The following TEKT5 variants were observed in gnomAD, a reference collection of about 807,000 sequenced individuals.
TEKT5 encodes the protein tektin 5.
A neutral mutation model predicts 48.7 loss-of-function variants in TEKT5; 52 were observed. The ratio of observed to expected loss-of-function variants is 1.07; its 90% confidence interval spans 0.86 to 1.35. The LOEUF (loss-of-function observed/expected upper bound fraction) is 1.35. TEKT5 is among the 40% of genes most tolerant of loss of function. The pLI, the probability that TEKT5 is intolerant of heterozygous loss-of-function variation, is 0.00. For missense variants in TEKT5, 831 were observed against 641.6 expected, an observed-to-expected ratio of 1.30 and a Z score of -3.19; for synonymous variants, 318 against 267.6, an observed-to-expected ratio of 1.19 and a Z score of -1.84.
At chr16:10,647,471 CA>C (rs35976644) in intron 5 of TEKT5, among the ~76,000 whole-genome samples, 46,047 of 114,158 alleles carry the variant, frequency 0.4, 9,209 homozygotes, top group African/African-American at 0.6. Flanking sequence ...GACCCTGTCT[CA>C]AAAAAAAAAA....
At chr16:10,658,890 G>C (rs551977858) in intron 5 of TEKT5, among the ~76,000 whole-genome samples, 2 of 152,170 alleles carry the variant, frequency 1.3e-5, no homozygotes, top group South Asian at 4.1e-4. Flanking sequence ...GTTAATTTTT[G>C]TATTTTTAGT....
At chr16:10,685,246 T>C (rs891889139) in intron 3 of TEKT5, among the ~76,000 whole-genome samples, 7 of 152,190 alleles carry the variant, frequency 4.6e-5, no homozygotes, top group African/African-American at 1.7e-4. Flanking sequence ...TCTGCCTCAG[T>C]TGCTCTCATC....
chr16:10,655,583 C>T (rs112698890), intron 5 of TEKT5, among the ~76,000 whole-genome samples: 88 of 152,312 alleles, frequency 5.8e-4, no homozygotes, highest in African/African-American at 2.1e-3. Flanking sequence ...CTATAAAAGA[C>T]TACATTTTCC....
chr16:10,647,538 C>G (rs972061567), intron 5 of TEKT5, among the ~76,000 whole-genome samples: 7 of 151,866 alleles, frequency 4.6e-5, no homozygotes, highest in African/African-American at 1.7e-4. Context: ...CTGAGCCCAT[C>G]CAGGGCAGCT....
chr16:10,683,868 T>A (rs925048918), intron 3 of TEKT5, among the ~76,000 whole-genome samples: 9 of 152,336 alleles, frequency 5.9e-5, no homozygotes, highest in Non-Finnish European at 7.3e-5. Context: ...GCTGGGATTA[T>A]AGGCATAAGC....
At chr16:10,684,438 G>C (rs1163515791) in intron 3 of TEKT5, among the ~76,000 whole-genome samples, 2 of 151,022 alleles carry the variant, frequency 1.3e-5, no homozygotes. Context: ...TTGCGGGTGA[G>C]GGGTTCCCAG....
chr16:10,671,763 C>G (rs1898552190), intron 5 of TEKT5: 1 of 152,176 alleles, frequency 6.6e-6, no homozygotes, highest in African/African-American at 2.4e-5. Flanking sequence ...AGAGGAGGAG[C>G]AAACGCACGT....
At chr16:10,658,632 T>G (rs940757150) in intron 5 of TEKT5, among the ~76,000 whole-genome samples, 1 of 152,172 alleles carries the variant, frequency 6.6e-6, no homozygotes, top group Non-Finnish European at 1.5e-5. Context: ...CTCCTGGAAC[T>G]AGAAATGTCC....
chr16:10,636,954 T>G (rs1897922541), intron 5 of TEKT5, among the ~76,000 whole-genome samples: 1 of 150,298 alleles, frequency 6.7e-6, no homozygotes, highest in Admixed American at 6.6e-5. Flanking sequence ...GTAGCTGGGA[T>G]TACAGGCACC....
At chr16:10,650,081 A>T (rs1449574567) in intron 5 of TEKT5, among the ~76,000 whole-genome samples, 4 of 138,128 alleles carry the variant, frequency 2.9e-5, no homozygotes, top group East Asian at 2.1e-4. Context: ...TTTTATTATT[A>T]TTTTTTTTGA....
At chr16:10,648,030 G>A (rs1898098173) in intron 5 of TEKT5, among the ~76,000 whole-genome samples, 1 of 152,174 alleles carries the variant, frequency 6.6e-6, no homozygotes, top group Non-Finnish European at 1.5e-5. Flanking sequence ...GTCACTGTCA[G>A]CATCACAGAA....
intron 6 of TEKT5, among the ~76,000 whole-genome samples, chr16:10,634,734 C>T (rs1897889092): frequency 6.6e-6 from 1 of 152,116 alleles, no homozygotes; most frequent in Non-Finnish European, 1.5e-5. Context: ...TTTGTTGAAG[C>T]AAGCCACCAT....
intron 5 of TEKT5, among the ~76,000 whole-genome samples, chr16:10,651,970 A>T (rs1160868770): frequency 1.4e-5 from 2 of 147,686 alleles, no homozygotes; most frequent in Admixed American, 6.6e-5. Context: ...TCAAAAAAAT[A>T]AAAAAGACAA....
chr16:10,673,286 G>A (rs571787919), intron 5 of TEKT5, among the ~76,000 whole-genome samples: 1 of 152,278 alleles, frequency 6.6e-6, no homozygotes, highest in East Asian at 1.9e-4. Context: ...ACCAAATCCA[G>A]CCCACTGCCT....
chr16:10,683,853 A>G (rs1898804962), intron 3 of TEKT5, among the ~76,000 whole-genome samples: 1 of 152,250 alleles, frequency 6.6e-6, no homozygotes, highest in African/African-American at 2.4e-5. Context: ...TTGGCTTCCC[A>G]AAGTGCTGGG....
rs1898603929 is a variant in TEKT5, at chr16:10,674,353, G to A, written c.1086+1606C>T. The stretch of plus-strand genomic sequence containing the variant: ...ATTTCATGGAAACTCCTGTTTCGAG[G>A]CCAGTCATGGTGGCTCACGCCTGTA... On this transcript the variant is annotated intron_variant, in intron 5 of 6. Coordinates refer to ENST00000283025, the MANE Select transcript of TEKT5 (RefSeq NM_144674.2). 2.0e-5 allele frequency among the ~76,000 whole-genome samples: 3 copies of A among 152,044 alleles called. No homozygotes were observed. The South Asian group carries it at 6.2e-4, about 31-fold the overall frequency.
At chr16:10,658,686 T>G (rs1161616143) in intron 5 of TEKT5, among the ~76,000 whole-genome samples, 1 of 151,496 alleles carries the variant, frequency 6.6e-6, no homozygotes, top group Non-Finnish European at 1.5e-5. Context: ...CATCACCTAT[T>G]GACATTCAGT....
intron 5 of TEKT5, among the ~76,000 whole-genome samples, chr16:10,666,962 T>TAAC (rs1274417196): frequency 2.0e-5 from 3 of 146,576 alleles, no homozygotes; most frequent in South Asian, 2.2e-4. Context: ...TCATTCAGCC[T>TAAC]AACACTGGCT....
rs181775101 is a variant in TEKT5, at chr16:10,681,202, A to G, written c.863+791T>C. Among the ~76,000 whole-genome samples, 8 of 152,268 alleles carry G rather than the reference A, an allele frequency of 5.3e-5. No homozygotes were observed. The East Asian group carries it at 1.4e-3, about 26-fold the overall frequency. On this transcript the variant is annotated intron_variant, in intron 4 of 6. Coordinates refer to ENST00000283025, the MANE Select transcript of TEKT5 (RefSeq NM_144674.2). ...TTATTCTATACTAGGCTCTGTGCTT[A>G]AAACTTCACACACCCACCTTTTTCA...
Sources: gnomAD v4.1 joint callset for allele counts (sites outside exome capture counted in the v4.1 genomes callset) on GRCh38, gnomAD v4.1.1 for gene constraint, MANE v1.5 for transcripts, NCBI Gene and HGNC (gene_info 2026-07-23, HGNC 2026-07-21) for gene names.